Variants in TTC28 observed in about 807,000 individuals in gnomAD.
TTC28 encodes tetratricopeptide repeat domain 28, also known as tetratricopeptide repeat protein 28.
A neutral mutation model predicts 198.0 loss-of-function variants in TTC28; 61 were observed. That is an observed-to-expected ratio of 0.31 (90% CI 0.25 to 0.38). The LOEUF is 0.38. Ranked by LOEUF, TTC28 falls within the 10% of genes least tolerant of loss-of-function variation. The pLI is 1.00. For missense variants in TTC28, 2,678 were observed against 3,164.0 expected, an observed-to-expected ratio of 0.85 and a Z score of 3.69; for synonymous variants, 1,171 against 1,297.8, an observed-to-expected ratio of 0.90 and a Z score of 2.10.
chr22:28,632,116 G>A (rs1263781564), intron 1 of TTC28, among the ~76,000 whole-genome samples: 1 of 151,956 alleles, frequency 6.6e-6, no homozygotes, highest in Non-Finnish European at 1.5e-5. Flanking sequence ...AAGAAAGGAA[G>A]AAAGGCAGAT....
At chr22:28,403,671 G>A (rs192443191) in intron 2 of TTC28, among the ~76,000 whole-genome samples, 139 of 152,274 alleles carry the variant, frequency 9.1e-4, no homozygotes, top group Non-Finnish European at 1.2e-4. Flanking sequence ...CATCAAAGAT[G>A]ACTCTTTAAC....
intron 1 of TTC28, among the ~76,000 whole-genome samples, chr22:28,646,212 G>T (rs2051463707): frequency 6.6e-6 from 1 of 152,160 alleles, no homozygotes. Flanking sequence ...TAGGGTTTCA[G>T]GTTGCAAAAT....
At chr22:28,035,096 T>C (rs1939282731) in intron 12 of TTC28, among the ~76,000 whole-genome samples, 1 of 152,176 alleles carries the variant, frequency 6.6e-6, no homozygotes, top group African/African-American at 2.4e-5. Flanking sequence ...CTCCCTGCCA[T>C]TCCCCTGACA....
intron 5 of TTC28, among the ~76,000 whole-genome samples, chr22:28,168,348 G>C (rs1808949763): frequency 6.6e-6 from 1 of 152,186 alleles, no homozygotes; most frequent in African/African-American, 2.4e-5. Flanking sequence ...AACCAAAAAA[G>C]AGCCCGCATT....
rs150328495 is a variant in TTC28 at position 28,207,500 on chromosome 22, C to T, written c.934-43901G>A. Among the ~76,000 whole-genome samples the T allele has an allele frequency of 1.9e-3, 283 of 152,158 alleles. 2 individuals carry two copies. Among genetic ancestry groups the T allele is most frequent in the Admixed American group, 4.3e-3 (66 of 15,290 alleles). On this transcript the variant is annotated intron_variant, in intron 5 of 22. Coordinates refer to ENST00000397906, the MANE Select transcript of TTC28 (RefSeq NM_001145418.2). ...ACCTCAGACAAGTTACTAATCCTTCCGGGCCTCAGTTTATTTGGGCTATAA... is the reference window on the plus strand; with the variant it reads ...ACCTCAGACAAGTTACTAATCCTTCTGGGCCTCAGTTTATTTGGGCTATAA...
intron 2 of TTC28, among the ~76,000 whole-genome samples, chr22:28,376,735 C>G (rs192629917): frequency 6.6e-6 from 1 of 152,180 alleles, no homozygotes; most frequent in East Asian, 1.9e-4. Flanking sequence ...TCAGAGAAGC[C>G]AAAGTGCCTA....
Position 28,255,171 on chromosome 22 carries a change from T to A in TTC28, c.933+41027A>T, listed in dbSNP as rs201912348. Among the ~76,000 whole-genome samples the A allele has an allele frequency of 8.7e-4, 133 of 152,172 alleles. 2 individuals are homozygous for A. The East Asian group carries it at 0.013, about 14-fold the overall frequency. ...AGTAAAAATGATCTTGCAATTTTTT[T>A]AAAAAAAGCAAAAGACCACACGAGA... On this transcript the variant is annotated intron_variant, in intron 5 of 22. Transcript: ENST00000397906.
intron 6 of TTC28, among the ~76,000 whole-genome samples, chr22:28,111,746 T>C (rs1942487693): frequency 6.6e-6 from 1 of 152,158 alleles, no homozygotes; most frequent in Non-Finnish European, 1.5e-5. Context: ...TCACAGCTTT[T>C]GGATTTTATT....
chr22:28,250,746 C>A (rs1228524597), intron 5 of TTC28, among the ~76,000 whole-genome samples: 1 of 152,180 alleles, frequency 6.6e-6, no homozygotes, highest in Non-Finnish European at 1.5e-5. Context: ...CCTCAAATAT[C>A]TGCAAACAGC....
chr22:28,012,307 TAAG>T (rs964820101), intron 14 of TTC28, among the ~76,000 whole-genome samples: 4 of 152,138 alleles, frequency 2.6e-5, no homozygotes, highest in African/African-American at 9.7e-5. Context: ...GTCATAATCC[TAAG>T]AAGGGAAGGA....
At chr22:28,333,805 G>A (rs933472158) in intron 2 of TTC28, among the ~76,000 whole-genome samples, 11 of 151,636 alleles carry the variant, frequency 7.3e-5, no homozygotes, top group Admixed American at 1.3e-4. Flanking sequence ...ATTTTGTACC[G>A]AACTTGTGAA....
chr22:28,340,723 C>G (rs1433367619), intron 2 of TTC28, among the ~76,000 whole-genome samples: 1 of 152,150 alleles, frequency 6.6e-6, no homozygotes, highest in African/African-American at 2.4e-5. Flanking sequence ...TACCAAGAAC[C>G]TAATCTGAGT....
intron 5 of TTC28, among the ~76,000 whole-genome samples, chr22:28,206,029 G>C (rs1811183816): frequency 6.6e-6 from 1 of 151,726 alleles, no homozygotes; most frequent in African/African-American, 2.4e-5. Context: ...TGAAAATTGG[G>C]AAAGGCAGAG....
At chr22:28,604,431 A>C (rs1191366210) in intron 2 of TTC28, among the ~76,000 whole-genome samples, 1 of 151,070 alleles carries the variant, frequency 6.6e-6, no homozygotes, top group East Asian at 2.0e-4. Flanking sequence ...TCCTGGGATA[A>C]TTTTCTCGTT....
intron 5 of TTC28, among the ~76,000 whole-genome samples, chr22:28,188,593 T>C (rs1215213681): frequency 6.6e-6 from 1 of 152,152 alleles, no homozygotes; most frequent in Non-Finnish European, 1.5e-5. Context: ...TGGAGATGTT[T>C]AGAGATGAAG....
At chr22:28,208,257 TA>T (rs1216313989) in intron 5 of TTC28, among the ~76,000 whole-genome samples, 1 of 152,182 alleles carries the variant, frequency 6.6e-6, no homozygotes, top group Non-Finnish European at 1.5e-5. Context: ...TAGTCAAGCC[TA>T]ATGGTGCCTT....
chr22:28,134,159 C>A (rs1211060425), intron 6 of TTC28, among the ~76,000 whole-genome samples: 1 of 152,134 alleles, frequency 6.6e-6, no homozygotes. Context: ...CTGAGTGTTA[C>A]AAGGAAAACT....
chr22:28,300,464 G>T (rs2044996316), intron 3 of TTC28, among the ~76,000 whole-genome samples: 1 of 151,956 alleles, frequency 6.6e-6, no homozygotes, highest in African/African-American at 2.4e-5. Flanking sequence ...AAAAGAGAAA[G>T]AAATCTTTAA....
At chr22:28,355,493 A>G (rs940541611) in intron 2 of TTC28, among the ~76,000 whole-genome samples, 1 of 152,226 alleles carries the variant, frequency 6.6e-6, no homozygotes, top group African/African-American at 2.4e-5. Context: ...CATGTGCCAG[A>G]CATTGCACTA....
Sources: gnomAD v4.1 joint callset for allele counts (sites outside exome capture counted in the v4.1 genomes callset) on GRCh38, gnomAD v4.1.1 for gene constraint, MANE v1.5 for transcripts, NCBI Gene and HGNC (gene_info 2026-07-23, HGNC 2026-07-21) for gene names.